The following ZFAND3 variants were observed in gnomAD, a reference collection of about 807,000 sequenced individuals.
The protein encoded by ZFAND3 is zinc finger AN1-type containing 3, also known as AN1-type zinc finger protein 3.
In ZFAND3, 10 loss-of-function variants were observed where a neutral mutation model predicts 29.6. The ratio of observed to expected loss-of-function variants is 0.34; its 90% CI spans 0.21 to 0.57. ZFAND3 has a LOEUF of 0.57. ZFAND3 is among the 20% of genes least tolerant of loss of function. The pLI, the probability that ZFAND3 is intolerant of heterozygous loss-of-function variation, is 0.86. For synonymous variants in ZFAND3, 128 were observed against 112.6 expected (o/e 1.14, Z -0.87); for missense variants, 230 against 304.5 (o/e 0.76, Z 1.82).
intron 2 of ZFAND3, among the ~76,000 whole-genome samples, chr6:37,986,279 C>G (rs1298510786): frequency 6.6e-6 from 1 of 152,134 alleles, no homozygotes; most frequent in Non-Finnish European, 1.5e-5. Flanking sequence ...GCCTAGCTTA[C>G]TTTACTCACT....
At chr6:37,924,312 C>CTTTTTTTT (rs34276814) in intron 1 of ZFAND3, among the ~76,000 whole-genome samples, 1 of 127,288 alleles carries the variant, frequency 7.9e-6, no homozygotes, top group Non-Finnish European at 1.6e-5. Flanking sequence ...TACTTAAGTG[C>CTTTTTTTT]TTTTTTTTTT....
At chr6:37,913,078 CT>C (rs1182995113) in intron 1 of ZFAND3, among the ~76,000 whole-genome samples, 1 of 152,134 alleles carries the variant, frequency 6.6e-6, no homozygotes, top group Non-Finnish European at 1.5e-5. Context: ...TGAAGCACAA[CT>C]TTTTGCTGGT....
intron 5 of ZFAND3, among the ~76,000 whole-genome samples, chr6:38,135,023 C>T (rs1581948261): frequency 1.3e-5 from 2 of 152,324 alleles, no homozygotes; most frequent in Middle Eastern, 3.4e-3. Context: ...TGGCTTTCAC[C>T]TAGTGCCTGA....
intron 4 of ZFAND3, among the ~76,000 whole-genome samples, chr6:38,105,578 T>C (rs1000878070): frequency 2.9e-4 from 44 of 152,258 alleles, no homozygotes; most frequent in African/African-American, 9.4e-4. Flanking sequence ...GAAGTGGACA[T>C]GGCTATAAAA....
Position 38,041,821 on chromosome 6 carries a change from TCCTCC to T in ZFAND3, c.113-19771_113-19767del, listed in dbSNP as rs1340703894. On this transcript the variant is annotated intron_variant, in intron 2 of 5. Coordinates refer to ENST00000287218, the MANE Select transcript of ZFAND3 (RefSeq NM_021943.3). ...CTTCTCCTCTTCTTTCTTCTTCTTC[TCCTCC>T]TTTTTTTTTTTTTTTTATATGAGAC... Among the ~76,000 whole-genome samples the T allele has an allele frequency of 1.7e-4, 2 of 11,574 alleles. 1 individual carries two copies. Among genetic ancestry groups the T allele is most frequent in the Non-Finnish European group, 5.0e-4 (2 of 4,000 alleles). The allele number at this position is 11,574 out of a possible 152,430, so 7.6% of individuals were successfully genotyped here.
intron 1 of ZFAND3, among the ~76,000 whole-genome samples, chr6:37,870,774 C>G (rs954397670): frequency 6.6e-6 from 1 of 152,188 alleles, no homozygotes; most frequent in East Asian, 1.9e-4. Context: ...GCCTCAAACC[C>G]CTGGGCTTCA....
intron 1 of ZFAND3, among the ~76,000 whole-genome samples, chr6:37,894,564 A>C (rs1216809544): frequency 6.6e-6 from 1 of 151,582 alleles, no homozygotes; most frequent in Non-Finnish European, 1.5e-5. Context: ...TAGAGACAGA[A>C]TCTCTCTATG....
chr6:37,950,422 G>C (rs1233306659), intron 2 of ZFAND3, among the ~76,000 whole-genome samples: 1 of 150,516 alleles, frequency 6.6e-6, no homozygotes, highest in Non-Finnish European at 1.5e-5. Flanking sequence ...CTGTCGCCCA[G>C]CCTGGAGTGC....
At chr6:37,926,183 T>C (rs1761480642) in intron 1 of ZFAND3, among the ~76,000 whole-genome samples, 1 of 152,230 alleles carries the variant, frequency 6.6e-6, no homozygotes, top group Non-Finnish European at 1.5e-5. Context: ...TGAATGCTAC[T>C]GAGAGGGAAT....
chr6:38,064,149 G>A (rs988046190), intron 3 of ZFAND3, among the ~76,000 whole-genome samples: 7 of 152,138 alleles, frequency 4.6e-5, no homozygotes, highest in Non-Finnish European at 8.8e-5. Context: ...TGGCCCTTGG[G>A]TTAAGAACTC....
chr6:38,113,023 C>T (rs1765349870), intron 4 of ZFAND3, among the ~76,000 whole-genome samples: 2 of 152,108 alleles, frequency 1.3e-5, no homozygotes, highest in African/African-American at 2.4e-5. Context: ...GTTTTGGAAG[C>T]TTATTTACCC....
intron 2 of ZFAND3, among the ~76,000 whole-genome samples, chr6:38,038,190 A>T (rs1300130016): frequency 6.6e-6 from 1 of 152,180 alleles, no homozygotes; most frequent in Non-Finnish European, 1.5e-5. Context: ...TCTCTTAGCC[A>T]TTGAGATATT....
chr6:37,884,231 C>T (rs189358929), intron 1 of ZFAND3, among the ~76,000 whole-genome samples: 2 of 145,020 alleles, frequency 1.4e-5, no homozygotes, highest in South Asian at 2.1e-4. Flanking sequence ...CGGTGGCTCA[C>T]GCCTGTAATC....
rs1203779270 is a variant in ZFAND3 at position 37,983,934 on chromosome 6, G to GT, written c.112+53936dup. On this transcript the variant is annotated intron_variant, in intron 2 of 5. Coordinates refer to ENST00000287218, the MANE Select transcript of ZFAND3 (RefSeq NM_021943.3). The stretch of plus-strand genomic sequence containing the variant: ...AGATAACCCCATTGTTCAGCAACAC[G>GT]TGACTTACTTTGGGCAGTGCAATGA... Among the ~76,000 whole-genome samples the GT allele has an allele frequency of 5.3e-5, 8 of 152,246 alleles. No individual in the cohort carries two copies. In the East Asian group the frequency reaches 1.5e-3, roughly 29 times the overall value.
chr6:38,040,837 A>G (rs1007924769), intron 2 of ZFAND3, among the ~76,000 whole-genome samples: 1 of 152,222 alleles, frequency 6.6e-6, no homozygotes, highest in Admixed American at 6.5e-5. Context: ...CCACAGTACA[A>G]TTATCAAAAT....
intron 1 of ZFAND3, among the ~76,000 whole-genome samples, chr6:37,840,531 T>G (rs1217788477): frequency 2.0e-5 from 3 of 152,264 alleles, no homozygotes; most frequent in Non-Finnish European, 2.9e-5. Context: ...ATGTTTTGGC[T>G]GTTTTGGGTC....
intron 2 of ZFAND3, among the ~76,000 whole-genome samples, chr6:37,975,796 A>G (rs1762467773): frequency 1.3e-5 from 2 of 152,158 alleles, no homozygotes; most frequent in South Asian, 4.2e-4. Context: ...AAACTTTATA[A>G]TAATTCTTGA....
At chr6:38,083,051 G>A (rs1400017531) in intron 4 of ZFAND3, among the ~76,000 whole-genome samples, 21 of 152,124 alleles carry the variant, frequency 1.4e-4, no homozygotes, top group Admixed American at 1.4e-3. Context: ...TTTATTTTAA[G>A]CGATATTTGC....
At chr6:37,903,921 C>T (rs1388665215) in intron 1 of ZFAND3, among the ~76,000 whole-genome samples, 1 of 152,092 alleles carries the variant, frequency 6.6e-6, no homozygotes, top group African/African-American at 2.4e-5. Flanking sequence ...AATAAAGGGA[C>T]AGATTTTCTT....
Sources: allele counts gnomAD v4.1 joint callset (sites outside exome capture counted in the v4.1 genomes callset), GRCh38; gene constraint gnomAD v4.1.1; transcripts MANE v1.5; gene names NCBI Gene and HGNC (gene_info 2026-07-23, HGNC 2026-07-21).